NOTCH2: variants seen among roughly 807,000 people sequenced by gnomAD.
NOTCH2 encodes the protein neurogenic locus notch homolog protein 2.
In NOTCH2, 29 loss-of-function variants were observed where a neutral mutation model predicts 235.8. The ratio of observed to expected loss-of-function variants is 0.12; its 90% CI spans 0.09 to 0.17. NOTCH2 has a LOEUF of 0.17. Ranked by LOEUF, NOTCH2 falls within the 10% of genes least tolerant of loss-of-function variation. NOTCH2 has a pLI of 1.00. For synonymous variants in NOTCH2, 1,086 were observed against 1,141.5 expected (o/e 0.95, Z 0.98); for missense variants, 2,285 against 3,150.2 (o/e 0.73, Z 6.57).
intron 5 of NOTCH2, among the ~76,000 whole-genome samples, chr1:119,973,938 C>A (rs1414140060): frequency 6.6e-6 from 1 of 151,934 alleles, no homozygotes; most frequent in African/African-American, 2.4e-5. Flanking sequence ...GCTTTGACTT[C>A]GAGTATGAAT....
chr1:119,940,856 A>ATTTG, intron 18 of NOTCH2, 100 bp from the exon 19 acceptor site: 18 of 1,031,788 alleles, frequency 1.7e-5, no homozygotes, highest in Non-Finnish European at 2.7e-5. Context: ...AGAGGCAAAT[A>ATTTG]CCTCTGAGCA....
intron 4 of NOTCH2, among the ~76,000 whole-genome samples, chr1:119,988,425 G>A (rs1301956317): frequency 6.6e-6 from 1 of 152,098 alleles, no homozygotes; most frequent in Admixed American, 6.6e-5. Context: ...CATTCAAGCA[G>A]ATGAATCACT....
At chr1:119,920,020 A>G (rs370592532) in intron 30 of NOTCH2, among the ~76,000 whole-genome samples, 12 of 152,296 alleles carry the variant, frequency 7.9e-5, no homozygotes, top group Non-Finnish European at 1.6e-4. Flanking sequence ...GTCTCAACAC[A>G]CTGTACATGA....
chr1:120,039,257 G>C (rs1228300326), intron 1 of NOTCH2, among the ~76,000 whole-genome samples: 3 of 152,152 alleles, frequency 2.0e-5, no homozygotes, highest in Admixed American at 1.3e-4. Flanking sequence ...GCTGCTTAGT[G>C]GTCAAAGAAA....
Position 119,965,484 on chromosome 1 carries a change from G to A in NOTCH2, c.1650C>T (p.His550=). The A allele has an allele frequency of 6.2e-7, 1 of 1,613,926 alleles. No individual in the cohort carries two copies. Residue 550 remains histidine (H), a synonymous_variant, in exon 10 of 34, where the codon CAC becomes CAT. Transcript: ENST00000256646. ...PCLNGAKCID[H]PNGYECQCAT... ...CACACTGGCATTCATAGCCATTCGG[G>A]TGATCGATACACTTTGCCCCATTCA...
intron 2 of NOTCH2, among the ~76,000 whole-genome samples, chr1:120,013,951 A>G (rs1653314855): frequency 6.6e-6 from 1 of 151,512 alleles, no homozygotes; most frequent in Non-Finnish European, 1.5e-5. Flanking sequence ...CACATTTTGG[A>G]AAATAGTCTA....
Position 119,937,314 on chromosome 1 carries a change from A to G in NOTCH2, c.3490T>C (p.Cys1164Arg). The G allele has an allele frequency of 6.2e-7, 1 of 1,613,910 alleles. No homozygotes were observed. The highest frequency in any genetic ancestry group is 8.5e-7 in the Non-Finnish European group (1 of 1,180,032). Residue 1164 changes from cysteine (C) to arginine (R), a missense_variant, in exon 21 of 34, where the codon TGC becomes CGC. This residue lies in a region of NOTCH2 where 1,173 missense variants were observed against 1,515.3 expected (regional missense o/e 0.77). Transcript: ENST00000256646. The part of the protein sequence containing the change: ...ASNPCQHGAT[C>R]SDFIGGYRCE... The stretch of plus-strand genomic sequence containing the variant: ...CTGTATCCACCAATGAAGTCACTGC[A>G]TGTTGCCCCGTGCTGGCAGGGGTTG...
intron 5 of NOTCH2, among the ~76,000 whole-genome samples, chr1:119,980,015 T>A (rs1031199872): frequency 1.3e-5 from 2 of 152,236 alleles, no homozygotes; most frequent in Admixed American, 6.5e-5. Flanking sequence ...CTTCCTAGAA[T>A]GACAAGCATG....
chr1:120,043,788 C>A (rs1484767612), intron 1 of NOTCH2, among the ~76,000 whole-genome samples: 2 of 148,450 alleles, frequency 1.3e-5, no homozygotes, highest in African/African-American at 2.5e-5. Flanking sequence ...CCTACCTACA[C>A]AACAAAAGAA....
chr1:119,932,573 G>C (rs1553195285), intron 22 of NOTCH2, among the ~76,000 whole-genome samples: 2 of 151,920 alleles, frequency 1.3e-5, no homozygotes, highest in African/African-American at 4.8e-5. Flanking sequence ...GGCAACAAGA[G>C]CAAAACTCCA....
At chr1:119,934,498 C>T (rs980073756) in intron 22 of NOTCH2, among the ~76,000 whole-genome samples, 1 of 152,182 alleles carries the variant, frequency 6.6e-6, no homozygotes, top group Admixed American at 6.5e-5. Context: ...GAACAATTCT[C>T]CTTTTTACAG....
At chr1:119,922,105 G>A in intron 28 of NOTCH2, 131 bp downstream of exon 28, 2 of 1,044,848 alleles carry the variant, frequency 1.9e-6, no homozygotes, top group Non-Finnish European at 2.9e-6. Context: ...CACTCACAAG[G>A]CATTTAGAAT....
intron 23 of NOTCH2, among the ~76,000 whole-genome samples, chr1:119,928,211 A>T (rs1014360984): frequency 5.3e-5 from 8 of 152,212 alleles, no homozygotes; most frequent in Non-Finnish European, 7.3e-5. Flanking sequence ...GAGCTTGGTC[A>T]TCTTCAGGCC....
chr1:119,988,808 A>G (rs997788813), intron 4 of NOTCH2, among the ~76,000 whole-genome samples: 8 of 152,212 alleles, frequency 5.3e-5, no homozygotes, highest in African/African-American at 1.9e-4. Flanking sequence ...GAGTAAGACT[A>G]AATACAGTTG....
intron 33 of NOTCH2, 24 bp from the exon 34 acceptor site, chr1:119,916,718 A>G (rs374818861): frequency 8.1e-6 from 13 of 1,612,028 alleles, no homozygotes; most frequent in African/African-American, 1.3e-5. Context: ...CCATCACAGA[A>G]CACATGTTAA....
rs1655686678 is a variant in NOTCH2, at chr1:120,069,559, A to T, written c.-153T>A. 1 of 1,408,444 alleles carries T rather than the reference A, an allele frequency of 7.1e-7. No individual in the cohort carries two copies. The highest frequency in any genetic ancestry group is 9.2e-7 in the Non-Finnish European group (1 of 1,090,094). The allele number at this position is 1,408,444 out of a possible 1,614,324, so 87.2% of individuals were successfully genotyped here. The stretch of plus-strand genomic sequence containing the variant: ...GCTACGCTCCGAAGCCCAGGCGCAA[A>T]TGCCTCGACTCCCCGCGCCCCGAGT... On this transcript the variant is annotated 5_prime_UTR_variant, in exon 1 of 34. Transcript: ENST00000256646.
At chr1:119,989,438 GA>G (rs1392804042) in intron 4 of NOTCH2, among the ~76,000 whole-genome samples, 2 of 151,520 alleles carry the variant, frequency 1.3e-5, no homozygotes, top group Non-Finnish European at 2.9e-5. Context: ...TCACAAATAT[GA>G]CTGAAAGCAC....
At chr1:119,963,967 A>C (rs1344556982) in intron 10 of NOTCH2, among the ~76,000 whole-genome samples, 160 bp from the exon 11 acceptor site, 2 of 152,218 alleles carry the variant, frequency 1.3e-5, no homozygotes, top group African/African-American at 4.8e-5. Context: ...ATTGATTTAG[A>C]AAGTATGCCT....
intron 22 of NOTCH2, among the ~76,000 whole-genome samples, chr1:119,933,164 C>T (rs1005332153): frequency 1.3e-5 from 2 of 152,208 alleles, no homozygotes; most frequent in Non-Finnish European, 2.9e-5. Flanking sequence ...GATCTATCAA[C>T]TGAGAGAGAA....
Sources: gnomAD v4.1 joint callset for allele counts (sites outside exome capture counted in the v4.1 genomes callset) on GRCh38, gnomAD v4.1.1 for gene constraint, gnomAD v4.1.1 regional missense constraint, MANE v1.5 for transcripts, NCBI Gene and HGNC (gene_info 2026-07-23, HGNC 2026-07-21) for gene names.